TMEM94: variants seen among roughly 807,000 people sequenced by gnomAD.
TMEM94 encodes the protein ER Mg2+ ATPase.
TMEM94 carries 81 observed loss-of-function variants against 158.6 expected under a neutral mutation model. That is an observed-to-expected ratio of 0.51 (90% CI 0.43 to 0.61). The LOEUF (loss-of-function observed/expected upper bound fraction) is 0.61. Among genes scored for constraint, TMEM94 ranks in the 20% least tolerant of loss-of-function variants. The pLI is 0.00. For synonymous variants in TMEM94, 751 were observed against 730.7 expected (o/e 1.03, Z -0.45); for missense variants, 1,435 against 1,762.0 (o/e 0.81, Z 3.32).
At position 75,493,869 on chromosome 17, in the gene TMEM94, C is replaced by T. The variant is rs927561328; in HGVS notation, c.2360C>T (p.Thr787Ile). ...TTCACCATGTGCGAGCTGCCCAGCA[C>T]CATCCCCATCAAGCAGAACGCCCGC... ...SIFTMCELPS[T>I]IPIKQNARRS... Residue 787 changes from threonine to isoleucine, a missense_variant, in exon 18 of 32, where the codon ACC (threonine) becomes ATC (isoleucine). Around this residue, in one of 3 missense-constraint regions of TMEM94, gnomAD observed 1,051 missense variants for 1,254.4 expected, o/e 0.84. Transcript: ENST00000314256. 2 of 1,612,718 alleles carry T rather than the reference C, an allele frequency of 1.2e-6. No individual in the cohort carries two copies. The highest frequency in any genetic ancestry group is 2.2e-5 in the East Asian group (1 of 44,870).
At chr17:75,493,411 C>T (rs1364757470) in intron 16 of TMEM94, 80 bp from the exon 17 acceptor site, 21 of 1,424,340 alleles carry the variant, frequency 1.5e-5, no homozygotes, top group Non-Finnish European at 1.8e-5. Context: ...CGCCCTTCTC[C>T]AGGAGGACAG....
Position 75,492,495 on chromosome 17 carries a change from G to A in TMEM94, c.1618G>A (p.Asp540Asn), listed in dbSNP as rs74894686. The change falls in exon 15 of 32, where the codon GAC (aspartate) becomes AAC (asparagine). Residue 540 changes from aspartate to asparagine, a missense_variant. By Grantham distance (23) the Asp-to-Asn change is conservative (BLOSUM62 1). Transcript: ENST00000314256. This position sits in a 1 kb window ranked among gnomAD's most constrained non-coding sequence, Gnocchi z 4.4. ...PSKTQPGMES[D>N]PYEAEDFVCD... is the part of the protein sequence containing the mutation. Reference sequence around the variant, plus strand: ...CCAGACCCAGCCTGGGATGGAGAGCGACCCCTACGAAGCAGAGGACTTTGT... The same window carrying A: ...CCAGACCCAGCCTGGGATGGAGAGCAACCCCTACGAAGCAGAGGACTTTGT... 3.5e-5 allele frequency: 56 copies of A among 1,594,720 alleles called. No individual in the cohort carries two copies. In the East Asian group the frequency reaches 3.8e-4, roughly 11 times the overall value.
chr17:75,475,174 C>A (rs542692354), intron 2 of TMEM94, among the ~76,000 whole-genome samples: 1 of 152,152 alleles, frequency 6.6e-6, no homozygotes, highest in African/African-American at 2.4e-5. Context: ...CAGTGGCTGG[C>A]GTGGAAGCTG....
Position 75,497,181 on chromosome 17 carries a change from T to G in TMEM94, c.3390T>G (p.Phe1130Leu). The G allele has an allele frequency of 1.2e-6, 2 of 1,613,862 alleles. No individual in the cohort carries two copies. The highest frequency in any genetic ancestry group is 1.7e-6 in the Non-Finnish European group (2 of 1,179,922). The part of the protein sequence containing the change: ...STTDILWLSC[F>L]CYPLLSISLL... Reference sequence around the variant, plus strand: ...CCGACATCCTGTGGCTGTCCTGCTTTTGCTACCCTCTGCTCAGGTGAGATG... The same window carrying G: ...CCGACATCCTGTGGCTGTCCTGCTTGTGCTACCCTCTGCTCAGGTGAGATG... The change falls in exon 26 of 32, where the codon TTT becomes TTG. Residue 1130 changes from phenylalanine (F) to leucine (L), a missense_variant. Physicochemically the swap from Phe to Leu is conservative, Grantham distance 22 (BLOSUM62 0). Around this residue, in one of 3 missense-constraint regions of TMEM94, gnomAD observed 335 missense variants for 409.1 expected, o/e 0.82. Transcript: ENST00000314256.
Position 75,492,806 on chromosome 17 carries a change from C to G in TMEM94, c.1912+17C>G. ...GCCTCATTGGTACAGGTCCCCATGG[C>G]AGGGGATGGCTGGCTGGACCCGCCT... is the stretch of plus-strand genomic sequence containing the variant. On this transcript the variant is annotated intron_variant, in intron 15 of 31. Coordinates refer to ENST00000314256, the MANE Select transcript of TMEM94 (RefSeq NM_014738.6). This position sits in a 1 kb window ranked among gnomAD's most constrained non-coding sequence, Gnocchi z 4.4. 6.3e-7 allele frequency: 1 copy of G among 1,592,188 alleles called. No homozygotes were observed. The highest frequency in any genetic ancestry group is 1.1e-5 in the South Asian group (1 of 89,570).
In TMEM94 at chr17:75,498,676, A is replaced by G. The variant is rs781427870; in HGVS notation, c.3781A>G (p.Lys1261Glu). 1 of 1,594,940 alleles carries G rather than the reference A, an allele frequency of 6.3e-7. No individual in the cohort carries two copies. The highest frequency in any genetic ancestry group is 8.5e-7 in the Non-Finnish European group (1 of 1,170,010). The change falls in exon 30 of 32, where the codon AAG (lysine) becomes GAG (glutamate). Residue 1261 changes from lysine (K) to glutamate (E), a missense_variant. By Grantham distance (56) the Lys-to-Glu change is moderately conservative. Around this residue, in one of 3 missense-constraint regions of TMEM94, gnomAD observed 335 missense variants for 409.1 expected, o/e 0.82. Transcript: ENST00000314256. This position sits in a 1 kb window ranked among gnomAD's most constrained non-coding sequence, Gnocchi z 6.7. ...HVHRTKPLWR[K>E]SPLTNLWWAV... ...GCATCGCACCAAGCCCCTGTGGAGA[A>G]AGAGCCCCTTGACCAACCTCTGGTG...
chr17:75,476,880 G>A (rs1720958383), intron 2 of TMEM94: 1 of 1,371,392 alleles, frequency 7.3e-7, no homozygotes, highest in Non-Finnish European at 9.8e-7. Context: ...AATGAGCATG[G>A]GTAGCTGGGA....
intron 26 of TMEM94, 23 bp from the exon 27 acceptor site, chr17:75,497,758 T>G: frequency 6.3e-7 from 1 of 1,596,976 alleles, no homozygotes; most frequent in Non-Finnish European, 8.6e-7. Flanking sequence ...TCACCATCCC[T>G]CTACCTGATC....
chr17:75,463,037 AATATATATATATATATATATAT>A (rs1179092824), intron 1 of TMEM94, among the ~76,000 whole-genome samples: 60 of 2,966 alleles, frequency 0.02, no homozygotes, highest in South Asian at 0.031. Flanking sequence ...AAAAAAAAAA[AATATATATATATATATATATAT>A]ATATATATAT....
intron 1 of TMEM94, among the ~76,000 whole-genome samples, chr17:75,471,403 C>T (rs2146235569): frequency 6.6e-6 from 1 of 152,148 alleles, no homozygotes; most frequent in Non-Finnish European, 1.5e-5. Context: ...CTCGATGAGG[C>T]TGACTCTGTC....
intron 2 of TMEM94, chr17:75,476,418 C>T (rs1741565169): frequency 1.0e-6 from 1 of 1,004,108 alleles, no homozygotes; most frequent in Admixed American, 3.6e-5. Context: ...TCTCTTTCCT[C>T]TTCTCCCCTC....
chr17:75,499,207 G>A (rs775724470), intron 31 of TMEM94, 55 bp from the exon 32 acceptor site: 36 of 1,606,520 alleles, frequency 2.2e-5, no homozygotes, highest in Middle Eastern at 1.7e-4. Flanking sequence ...GTCCTGCCCC[G>A]GCCCCTGGTC....
rs2051862767 is a variant in TMEM94, at chr17:75,488,795, T to C, written c.649T>C (p.Phe217Leu). The C allele has an allele frequency of 6.2e-7, 1 of 1,613,630 alleles. No homozygotes were observed. Among genetic ancestry groups the C allele is most frequent in the East Asian group, 2.2e-5 (1 of 44,872 alleles). Residue 217 changes from phenylalanine to leucine, a missense_variant, in exon 7 of 32, where the codon TTC becomes CTC. Around this residue, in one of 3 missense-constraint regions of TMEM94, gnomAD observed 1,051 missense variants for 1,254.4 expected, o/e 0.84. Coordinates refer to ENST00000314256, the MANE Select transcript of TMEM94 (RefSeq NM_014738.6). Reference protein sequence around the residue: ...EHIVLEPGDLFPPFSPPPSPR... With the variant: ...EHIVLEPGDLLPPFSPPPSPR... The stretch of plus-strand genomic sequence containing the variant: ...CATCGTCCTGGAGCCGGGAGACCTC[T>C]TCCCCCCCTTCTCCCCTCCACCCTC...
At chr17:75,496,656 TA>T (rs2052718748) in intron 24 of TMEM94, 73 bp from the exon 25 acceptor site, 1 of 1,512,258 alleles carries the variant, frequency 6.6e-7, no homozygotes, top group Non-Finnish European at 9.2e-7. Flanking sequence ...GGCTCTTGGC[TA>T]AAGTGTGTCA....
intron 1 of TMEM94, among the ~76,000 whole-genome samples, chr17:75,463,297 G>GC (rs2050180487): frequency 6.7e-6 from 1 of 149,930 alleles, no homozygotes; most frequent in African/African-American, 2.5e-5. Context: ...AGTAAGCCTG[G>GC]CCCTTCTCAC....
intron 25 of TMEM94, 78 bp downstream of exon 25, chr17:75,496,885 G>A: frequency 1.4e-6 from 2 of 1,478,090 alleles, no homozygotes; most frequent in Non-Finnish European, 9.4e-7. Context: ...ATCTGAGGAA[G>A]GAGGCTGGGG....
intron 5 of TMEM94, 119 bp downstream of exon 5, chr17:75,486,545 C>G (rs1473855114): frequency 8.1e-7 from 1 of 1,241,936 alleles, no homozygotes; most frequent in Admixed American, 2.1e-5. Flanking sequence ...TGCAGGGGCT[C>G]TTGTCATCTG....
In TMEM94 at chr17:75,489,411, G is replaced by A; in HGVS notation, c.867+43G>A. On this transcript the variant is annotated intron_variant, in intron 8 of 31. Transcript: ENST00000314256. The surrounding 1 kb of genome is among the most constrained non-coding windows in gnomAD (Gnocchi z 5.0). ...GTGCGGGGCTGCATGGGGCAGAGGA[G>A]AGGGCTGGACACGGGGGGGTCTCAG... 6 of 1,592,398 alleles carry A rather than the reference G, an allele frequency of 3.8e-6. No homozygotes were observed. The highest frequency in any genetic ancestry group is 5.2e-6 in the Non-Finnish European group (6 of 1,160,464).
At chr17:75,468,874 A>G (rs2050398520) in intron 1 of TMEM94, among the ~76,000 whole-genome samples, 2 of 152,156 alleles carry the variant, frequency 1.3e-5, no homozygotes, top group African/African-American at 4.8e-5. Flanking sequence ...CCTGGCCCCC[A>G]AAAGAGCTGT....
Sources: allele counts gnomAD v4.1 joint callset (sites outside exome capture counted in the v4.1 genomes callset), GRCh38; gene constraint gnomAD v4.1.1; regional missense constraint gnomAD v4.1.1; non-coding constraint Gnocchi (gnomAD v3.1); transcripts MANE v1.5; gene names NCBI Gene and HGNC (gene_info 2026-07-23, HGNC 2026-07-21).